Variants in TBC1D31 observed in about 807,000 individuals in gnomAD.
The protein encoded by TBC1D31 is WD repeat domain 67.
Under a neutral mutation model 132.9 loss-of-function variants are expected in TBC1D31, and 99 were observed. That is an observed-to-expected ratio of 0.74 (90% confidence interval 0.63 to 0.88). The LOEUF is 0.88. TBC1D31 is among the 40% of genes least tolerant of loss of function. The pLI, the probability that TBC1D31 is intolerant of heterozygous loss-of-function variation, is 0.00. For synonymous variants in TBC1D31, 385 were observed against 419.4 expected (o/e 0.92, Z 1.00); for missense variants, 1,134 against 1,256.6 (o/e 0.90, Z 1.48).
At chr8:123,079,598 T>TGGCA (rs145499676) in intron 2 of TBC1D31, among the ~76,000 whole-genome samples, 1 of 131,520 alleles carries the variant, frequency 7.6e-6, no homozygotes, top group Non-Finnish European at 1.7e-5. Flanking sequence ...ATTGATTTCA[T>TGGCA]GACTAATGAA....
In TBC1D31 at chr8:123,144,825, G is replaced by A. The variant is rs1822033804; in HGVS notation, c.2944G>A (p.Val982Ile). 1 of 1,613,028 alleles carries A rather than the reference G, an allele frequency of 6.2e-7. No homozygotes were observed. Among genetic ancestry groups the A allele is most frequent in the Non-Finnish European group, 8.5e-7 (1 of 1,179,734 alleles). ...WFLKQEINAAVEHAENPCHKE... is the reference protein window; with the variant it reads ...WFLKQEINAAIEHAENPCHKE... ...TTTAAAGCAAGAGATAAATGCGGCT[G>A]TAGAACATGCTGAAAATCCATGTCA... The change falls in exon 20 of 22, where the codon GTA becomes ATA. Residue 982 changes from valine (V) to isoleucine (I), a missense_variant. Coordinates refer to ENST00000287380, the MANE Select transcript of TBC1D31 (RefSeq NM_145647.4).
rs1199803022 is a variant in TBC1D31 at position 123,097,333 on chromosome 8, G to A, written c.723G>A (p.Trp241Ter). The A allele has an allele frequency of 2.5e-6, 4 of 1,614,008 alleles. No homozygotes were observed. The highest frequency in any genetic ancestry group is 3.4e-6 in the Non-Finnish European group (4 of 1,180,024). ...GCAAGTCAAATCATCTTCATTTGTG[G>A]TGCTTGGAAGCTAGGCAGCTCTTTA... ...AGGKSNHLHL[W>*]CLEARQLFRI... Residue 241 changes from tryptophan to a stop codon, truncating the protein, a stop_gained, in exon 6 of 22, where the codon TGG (tryptophan) becomes TGA (stop). Transcript: ENST00000287380. LOFTEE classifies it high-confidence loss of function.
At chr8:123,109,194 A>G (rs1336762498) in intron 8 of TBC1D31, 123 bp from the exon 9 acceptor site, 4 of 674,806 alleles carry the variant, frequency 5.9e-6, no homozygotes, top group Admixed American at 2.8e-5. Context: ...CCTATGATAC[A>G]CAAATATGTC....
At chr8:123,152,623 C>G (rs1435497084), downstream of TBC1D31, among the ~76,000 whole-genome samples, 1 of 152,190 alleles carries the variant, frequency 6.6e-6, no homozygotes, top group African/African-American at 2.4e-5. Flanking sequence ...GTAATCCCAG[C>G]ACTTTGGGAG....
intron 4 of TBC1D31, among the ~76,000 whole-genome samples, chr8:123,090,559 C>G (rs1816219097): frequency 6.6e-6 from 1 of 152,090 alleles, no homozygotes; most frequent in South Asian, 2.1e-4. Context: ...CCTGTGTACC[C>G]AGGACACTCA....
intron 17 of TBC1D31, among the ~76,000 whole-genome samples, chr8:123,138,862 T>A (rs1319974185): frequency 6.6e-6 from 1 of 152,132 alleles, no homozygotes; most frequent in Non-Finnish European, 1.5e-5. Context: ...CAGGCTGGAG[T>A]GCAGTGGCGT....
chr8:123,080,323 G>A (rs1042288535), intron 2 of TBC1D31, among the ~76,000 whole-genome samples: 16 of 152,114 alleles, frequency 1.1e-4, no homozygotes, highest in Non-Finnish European at 4.4e-5. Context: ...GCAAATTGTG[G>A]GAAGGCAAAT....
chr8:123,153,814 G>A (rs1044567080), downstream of TBC1D31, among the ~76,000 whole-genome samples: 6 of 152,208 alleles, frequency 3.9e-5, no homozygotes, highest in African/African-American at 7.2e-5. Context: ...GTTTGTTAAA[G>A]AAGAGCGGTC....
At chr8:123,118,154 AAC>A (rs941509487) in intron 10 of TBC1D31, among the ~76,000 whole-genome samples, 5 of 152,236 alleles carry the variant, frequency 3.3e-5, no homozygotes, top group African/African-American at 9.6e-5. Context: ...AGAGAGACAA[AAC>A]ACATGTAATG....
At chr8:123,076,970 T>C (rs530446412) in intron 1 of TBC1D31, 141 bp from the exon 2 acceptor site, 7 of 677,686 alleles carry the variant, frequency 1.0e-5, no homozygotes, top group African/African-American at 9.3e-5. Context: ...CCTGGTAAGA[T>C]TGATTCTAGA....
chr8:123,072,804 G>T lies in TBC1D31; in HGVS notation c.35G>T (p.Gly12Val), dbSNP rs767712118. The T allele has an allele frequency of 1.9e-6, 3 of 1,574,132 alleles. No homozygotes were observed. The highest frequency in any genetic ancestry group is 2.6e-6 in the Non-Finnish European group (3 of 1,160,318). The stretch of plus-strand genomic sequence containing the variant: ...ACTGACCTAGGCAACAAGGAGAGCG[G>T]CAAGATATGGCACCGCAAGCCGTCC... ...QSTDLGNKES[G>V]KIWHRKPSPA... is the part of the protein sequence containing the mutation. The change falls in exon 1 of 22, where the codon GGC becomes GTC. Residue 12 changes from glycine to valine, a missense_variant. Physicochemically the swap from Gly to Val is moderately radical, Grantham distance 109. Transcript: ENST00000287380.
At chr8:123,154,142 A>G (rs1405293080), downstream of TBC1D31, among the ~76,000 whole-genome samples, 1 of 152,222 alleles carries the variant, frequency 6.6e-6, no homozygotes, top group Non-Finnish European at 1.5e-5. Flanking sequence ...AGGACTGCAT[A>G]AGGCTTAATT....
At chr8:123,139,538 G>T (rs538916353) in intron 17 of TBC1D31, among the ~76,000 whole-genome samples, 73 of 152,274 alleles carry the variant, frequency 4.8e-4, no homozygotes, top group African/African-American at 1.7e-3. Flanking sequence ...GAGGGGCTCT[G>T]TGTGCATGTT....
intron 10 of TBC1D31, 29 bp from the exon 11 acceptor site, chr8:123,120,026 A>C: frequency 6.6e-7 from 1 of 1,524,944 alleles, no homozygotes; most frequent in Non-Finnish European, 8.8e-7. Context: ...ATTCAAATAA[A>C]TTTTAATGCT....
intron 10 of TBC1D31, 90 bp downstream of exon 10, chr8:123,109,710 G>T: frequency 7.9e-7 from 1 of 1,263,992 alleles, no homozygotes; most frequent in Non-Finnish European, 1.1e-6. Context: ...ATATTGTTTT[G>T]TCAGTTTGAT....
chr8:123,128,120 T>A lies in TBC1D31; in HGVS notation c.1885-161T>A, dbSNP rs552957995. The A allele has an allele frequency of 2.0e-5, 9 of 439,530 alleles. No homozygotes were observed. The East Asian group carries it at 2.8e-4, about 13-fold the overall frequency. 27.2% of individuals were successfully genotyped at this position (439,530 alleles called of 1,614,324 possible). A position where few individuals can be genotyped will look rare whatever the true frequency, so the allele number is the denominator to read the frequency against. On this transcript the variant is annotated intron_variant, in intron 13 of 21. Transcript: ENST00000287380. ...AAACTCTTACATTTTTTAAATAAAT[T>A]GTCTTTGTTGTAAAACTTGAGTAAA...
intron 16 of TBC1D31, among the ~76,000 whole-genome samples, chr8:123,133,433 A>G (rs1178336490): frequency 1.3e-5 from 2 of 152,206 alleles, no homozygotes; most frequent in African/African-American, 4.8e-5. Flanking sequence ...ATATGTTTGC[A>G]CATCCAACTG....
At chr8:123,137,013 T>C (rs1821165235) in intron 17 of TBC1D31, among the ~76,000 whole-genome samples, 1 of 152,214 alleles carries the variant, frequency 6.6e-6, no homozygotes, top group African/African-American at 2.4e-5. Context: ...TGATTAAATG[T>C]GTCTATTTCT....
chr8:123,143,437 G>A (rs1183121514), intron 19 of TBC1D31, among the ~76,000 whole-genome samples: 1 of 152,164 alleles, frequency 6.6e-6, no homozygotes, highest in Non-Finnish European at 1.5e-5. Flanking sequence ...TCACACGTGT[G>A]TATCTTTTGG....
Sources: gnomAD v4.1 joint callset for allele counts (sites outside exome capture counted in the v4.1 genomes callset) on GRCh38, gnomAD v4.1.1 for gene constraint, MANE v1.5 for transcripts, NCBI Gene and HGNC (gene_info 2026-07-23, HGNC 2026-07-21) for gene names.